TEX26: variants seen among roughly 807,000 people sequenced by gnomAD.
TEX26 encodes the protein testis expressed 26.
In TEX26, 34 loss-of-function variants were observed where a neutral mutation model predicts 35.3. The observed-to-expected ratio is 0.96, with a 90% confidence interval of 0.73 to 1.28. TEX26 has a LOEUF of 1.28. Ranked by LOEUF, TEX26 falls within the 50% of genes most tolerant of loss-of-function variation. TEX26 has a pLI of 0.00. For synonymous variants in TEX26, 136 were observed against 111.8 expected, an observed-to-expected ratio of 1.22 and a Z score of -1.36; for missense variants, 371 against 330.1, an observed-to-expected ratio of 1.12 and a Z score of -0.96.
In TEX26 at chr13:30,957,062, T is replaced by C. The variant is rs1954167048; in HGVS notation, c.469+33T>C. On this transcript the variant is annotated intron_variant, in intron 4 of 6. Transcript: ENST00000380473. ...CTTTTGTTTTTCTTTTTTTCCTGGGTCATGTGGTAGGCCCTGGAGTTGCAG... is the reference window on the plus strand; with the variant it reads ...CTTTTGTTTTTCTTTTTTTCCTGGGCCATGTGGTAGGCCCTGGAGTTGCAG... 2.5e-6 allele frequency: 4 copies of C among 1,601,544 alleles called. No homozygotes were observed. In the East Asian group the frequency reaches 8.9e-5, roughly 36 times the overall value.
intron 2 of TEX26, among the ~76,000 whole-genome samples, chr13:30,948,499 AGCATTTTTTCATGTG>A (rs1953801420): frequency 6.6e-6 from 1 of 151,800 alleles, no homozygotes; most frequent in Admixed American, 6.5e-5. Context: ...AGTGATGGTG[AGCATTTTTTCATGTG>A]TTTTTTGGTC....
intron 2 of TEX26, among the ~76,000 whole-genome samples, chr13:30,943,060 C>T (rs1049525809): frequency 1.3e-5 from 2 of 151,954 alleles, no homozygotes; most frequent in African/African-American, 4.8e-5. Flanking sequence ...ATTGCATTGA[C>T]TCTGTAGATT....
At position 30,939,836 on chromosome 13, in the gene TEX26, T is replaced by G; in HGVS notation, c.146+58T>G. On this transcript the variant is annotated intron_variant, in intron 2 of 6. Coordinates refer to ENST00000380473, the MANE Select transcript of TEX26 (RefSeq NM_152325.3). ...TGTTTTAATTTGTTGACTTGTCTTT[T>G]ATGACTCAGAATCCAAACACATAGA... The G allele has an allele frequency of 3.4e-6, 5 of 1,473,142 alleles. No homozygotes were observed. In the South Asian group the frequency reaches 5.8e-5, roughly 17 times the overall value. The allele number at this position is 1,473,142 out of a possible 1,614,324, so 91.3% of individuals were successfully genotyped here.
intron 2 of TEX26, among the ~76,000 whole-genome samples, chr13:30,947,986 G>A (rs1461044150): frequency 4.6e-5 from 7 of 151,946 alleles, no homozygotes; most frequent in African/African-American, 1.2e-4. Context: ...GAGAACATGC[G>A]GTGTTTGGTT....
At chr13:30,954,256 AT>A (rs199567662) in intron 3 of TEX26, among the ~76,000 whole-genome samples, 2,583 of 141,894 alleles carry the variant, frequency 0.018, 35 homozygotes, top group Non-Finnish European at 0.028. Context: ...CTGAAAAAAA[AT>A]ATATATATTT....
rs191994161 is a variant in TEX26 at position 30,965,020 on chromosome 13, C to G, written c.470-1202C>G. 3.9e-5 allele frequency among the ~76,000 whole-genome samples: 6 copies of G among 152,266 alleles called. No individual in the cohort carries two copies. In the East Asian group the frequency reaches 5.8e-4, roughly 15 times the overall value. ...AAGTTATAGATGGAAGTTACAGGAACAGTACCAGATGGTTTTCCAAAATAT... is the reference window on the plus strand; with the variant it reads ...AAGTTATAGATGGAAGTTACAGGAAGAGTACCAGATGGTTTTCCAAAATAT... On this transcript the variant is annotated intron_variant, in intron 4 of 6. Transcript: ENST00000380473.
intron 2 of TEX26, among the ~76,000 whole-genome samples, chr13:30,950,792 G>A (rs1407215936): frequency 2.6e-5 from 4 of 152,164 alleles, no homozygotes; most frequent in Admixed American, 6.5e-5. Context: ...ATTACAAGGA[G>A]GTGTCTGTGA....
chr13:30,955,379 G>A (rs556162003), intron 3 of TEX26, among the ~76,000 whole-genome samples: 36 of 152,154 alleles, frequency 2.4e-4, no homozygotes, highest in African/African-American at 3.1e-4. Context: ...AAATGCATAC[G>A]CAATCAACAA....
chr13:30,960,191 T>C (rs1415200627), intron 4 of TEX26, among the ~76,000 whole-genome samples: 1 of 152,234 alleles, frequency 6.6e-6, no homozygotes, highest in Admixed American at 6.5e-5. Context: ...TCCTAGCTTC[T>C]TTCTCTTTGT....
At chr13:30,952,536 G>A (rs1953965372) in intron 2 of TEX26, 124 bp from the exon 3 acceptor site, 6 of 742,364 alleles carry the variant, frequency 8.1e-6, no homozygotes, top group East Asian at 3.1e-5. Context: ...ATTATTTCTG[G>A]CACCAACTCT....
intron 2 of TEX26, among the ~76,000 whole-genome samples, chr13:30,945,749 C>A (rs778651201): frequency 6.6e-6 from 1 of 151,856 alleles, no homozygotes; most frequent in Admixed American, 6.6e-5. Flanking sequence ...CCCTTTAAGG[C>A]GGCTAAAGAT....
At chr13:30,971,364 A>G (rs191435978) in intron 6 of TEX26, among the ~76,000 whole-genome samples, 20 of 152,328 alleles carry the variant, frequency 1.3e-4, no homozygotes, top group Non-Finnish European at 2.5e-4. Flanking sequence ...TTACAGGATT[A>G]TCTCTCATAG....
chr13:30,962,783 G>C (rs937370997), intron 4 of TEX26, among the ~76,000 whole-genome samples: 1 of 151,990 alleles, frequency 6.6e-6, no homozygotes, highest in African/African-American at 2.4e-5. Flanking sequence ...TTGACTATAG[G>C]TTATGTGTCA....
intron 2 of TEX26, among the ~76,000 whole-genome samples, chr13:30,950,573 G>A (rs560066359): frequency 6.6e-6 from 1 of 152,252 alleles, no homozygotes; most frequent in South Asian, 2.1e-4. Context: ...TCTCTCAGAG[G>A]CCTCTCCCTA....
chr13:30,939,509 GA>G (rs1346696376), intron 1 of TEX26, among the ~76,000 whole-genome samples, 184 bp from the exon 2 acceptor site: 9 of 152,310 alleles, frequency 5.9e-5, no homozygotes, highest in African/African-American at 1.7e-4. Flanking sequence ...ATTTTGGGGT[GA>G]AACAGATAAG....
At chr13:30,970,640 T>C (rs981200265) in intron 6 of TEX26, among the ~76,000 whole-genome samples, 12 of 152,222 alleles carry the variant, frequency 7.9e-5, no homozygotes, top group East Asian at 5.8e-4. Flanking sequence ...TTGTCTTCCC[T>C]AAGCAGATGC....
chr13:30,936,620 G>A (rs1953281778), intron 1 of TEX26: 2 of 930,210 alleles, frequency 2.2e-6, no homozygotes, highest in Non-Finnish European at 2.6e-6. Flanking sequence ...TTAAACTTGT[G>A]CTCATAGGAT....
At position 30,966,259 on chromosome 13, in the gene TEX26, A is replaced by G; in HGVS notation, c.507A>G (p.Glu169=). The G allele has an allele frequency of 6.2e-7, 1 of 1,614,044 alleles. No homozygotes were observed. The highest frequency in any genetic ancestry group is 8.5e-7 in the Non-Finnish European group (1 of 1,179,998). Residue 169 remains glutamate (E), a synonymous_variant, in exon 5 of 7, where the codon GAA becomes GAG. Transcript: ENST00000380473. ...AGAAAAGTTCTCACTTGTCTCTGGA[A>G]TGGAAAAAGTTACTTCCCCAACCTC... is the stretch of plus-strand genomic sequence containing the variant. The part of the protein sequence containing the change: ...KIKKSSHLSL[E]WKKLLPQPPD...
intron 1 of TEX26, among the ~76,000 whole-genome samples, chr13:30,938,441 G>T (rs890038111): frequency 6.6e-6 from 1 of 152,102 alleles, no homozygotes; most frequent in Non-Finnish European, 1.5e-5. Context: ...TTGGGTGAGG[G>T]CCTATTAGCT....
Sources: gnomAD v4.1 joint callset for allele counts (sites outside exome capture counted in the v4.1 genomes callset) on GRCh38, gnomAD v4.1.1 for gene constraint, MANE v1.5 for transcripts, NCBI Gene and HGNC (gene_info 2026-07-23, HGNC 2026-07-21) for gene names.